The following ZNF292 variants were observed in gnomAD, a reference collection of about 807,000 sequenced individuals.
ZNF292 encodes 16 zinc-finger domain protein.
ZNF292 carries 26 observed loss-of-function variants against 217.9 expected under a neutral mutation model. That is an observed-to-expected ratio of 0.12 (90% CI 0.09 to 0.17). The LOEUF is 0.17. Ranked by LOEUF, ZNF292 falls within the 10% of genes least tolerant of loss-of-function variation. The pLI, the probability that ZNF292 is intolerant of heterozygous loss-of-function variation, is 1.00. For synonymous variants in ZNF292, 1,257 were observed against 1,124.1 expected (o/e 1.12, Z -2.37); for missense variants, 2,904 against 3,175.2 (o/e 0.91, Z 2.05).
At chr6:87,155,939 C>T (rs1311049794) in intron 1 of ZNF292, among the ~76,000 whole-genome samples, 180 bp downstream of exon 1, 3 of 152,200 alleles carry the variant, frequency 2.0e-5, no homozygotes, top group African/African-American at 4.8e-5. Context: ...CGGTTGTTGT[C>T]GTCTGCAGCT....
intron 1 of ZNF292, among the ~76,000 whole-genome samples, chr6:87,207,552 A>T (rs759573415): frequency 6.6e-6 from 1 of 152,208 alleles, no homozygotes; most frequent in East Asian, 1.9e-4. Context: ...AATGTGAAAC[A>T]TATTCTTTAT....
Position 87,255,463 on chromosome 6 carries a change from C to G in ZNF292, c.1834C>G (p.Pro612Ala). The G allele has an allele frequency of 6.2e-7, 1 of 1,613,490 alleles. No individual in the cohort carries two copies. Among genetic ancestry groups the G allele is most frequent in the Non-Finnish European group, 8.5e-7 (1 of 1,179,758 alleles). ...GAAACCATTAAGAAGATTGGGAAGG[C>G]CTCCAAAGATCACAACTACCAATGA... ...AMKPLRRLGR[P>A]PKITTTNENQ... Residue 612 changes from proline (P) to alanine (A), a missense_variant, in exon 8 of 8, where the codon CCT (proline) becomes GCT (alanine). By Grantham distance (27) the Pro-to-Ala change is conservative (BLOSUM62 -1). Coordinates refer to ENST00000369577, the MANE Select transcript of ZNF292 (RefSeq NM_015021.3).
At chr6:87,234,403 C>G (rs1469921139) in intron 5 of ZNF292, among the ~76,000 whole-genome samples, 1 of 151,844 alleles carries the variant, frequency 6.6e-6, no homozygotes, top group Non-Finnish European at 1.5e-5. Context: ...ACTAAAAATA[C>G]CAAAAATTAG....
chr6:87,172,496 CT>C (rs1443939007), intron 1 of ZNF292, among the ~76,000 whole-genome samples: 1 of 152,112 alleles, frequency 6.6e-6, no homozygotes, highest in East Asian at 1.9e-4. Context: ...ACCCTGGAGA[CT>C]AATTAAGCAT....
intron 1 of ZNF292, among the ~76,000 whole-genome samples, chr6:87,160,291 G>GA (rs1415691230): frequency 6.6e-6 from 1 of 152,178 alleles, no homozygotes; most frequent in African/African-American, 2.4e-5. Context: ...TAGTTCGTTG[G>GA]AAAAATTGGC....
intron 5 of ZNF292, among the ~76,000 whole-genome samples, chr6:87,239,159 A>G (rs563983380): frequency 1.2e-4 from 18 of 152,340 alleles, no homozygotes; most frequent in Admixed American, 7.8e-4. Context: ...CAAAACCGCC[A>G]TCGTCATCAT....
intron 3 of ZNF292, among the ~76,000 whole-genome samples, chr6:87,217,267 T>G (rs1772834726): frequency 6.6e-6 from 1 of 152,076 alleles, no homozygotes; most frequent in African/African-American, 2.4e-5. Context: ...TATTAAACAT[T>G]AAAATCTACA....
intron 1 of ZNF292, among the ~76,000 whole-genome samples, chr6:87,186,775 G>A (rs1486476924): frequency 6.6e-6 from 1 of 152,212 alleles, no homozygotes; most frequent in Non-Finnish European, 1.5e-5. Flanking sequence ...AGGTGATTCG[G>A]AGGAAGGATA....
intron 4 of ZNF292, 108 bp from the exon 5 acceptor site, chr6:87,233,216 GA>G: frequency 1.2e-6 from 1 of 802,116 alleles, no homozygotes; most frequent in Middle Eastern, 3.8e-4. Flanking sequence ...ATAGAAAATT[GA>G]AAAAAAGCAT....
Position 87,256,041 on chromosome 6 carries a change from T to C in ZNF292, c.2412T>C (p.Tyr804=). The C allele has an allele frequency of 1.2e-6, 2 of 1,609,242 alleles. No homozygotes were observed. Among genetic ancestry groups the C allele is most frequent in the Non-Finnish European group, 1.7e-6 (2 of 1,177,292 alleles). ...TATATGATCATGAAGCACAACATTA[T>C]AATACGTACACTTGTAAGTTCACAG... is the stretch of plus-strand genomic sequence containing the variant. ...YLLYDHEAQH[Y]NTYTCKFTGC... is the part of the protein sequence containing the mutation. The change falls in exon 8 of 8, where the codon TAT becomes TAC. Residue 804 remains tyrosine (Y), a synonymous_variant. Coordinates refer to ENST00000369577, the MANE Select transcript of ZNF292 (RefSeq NM_015021.3).
chr6:87,176,938 T>G (rs1373070329), intron 1 of ZNF292, among the ~76,000 whole-genome samples: 1 of 152,134 alleles, frequency 6.6e-6, no homozygotes, highest in Non-Finnish European at 1.5e-5. Context: ...CTCATCCAGT[T>G]TTCCCTCCAT....
chr6:87,255,645 C>G lies in ZNF292; in HGVS notation c.2016C>G (p.Val672=). Residue 672 remains valine (V), a synonymous_variant, in exon 8 of 8, where the codon GTC becomes GTG. Transcript: ENST00000369577. Reference sequence around the variant, plus strand: ...CCTATGAGCCAGAAGTGATTCCAGTCCAGAAACCAGTACCTGTTAATGAAT... The same window carrying G: ...CCTATGAGCCAGAAGTGATTCCAGTGCAGAAACCAGTACCTGTTAATGAAT... ...DKSYEPEVIP[V]QKPVPVNEFN... 1 of 1,612,906 alleles carries G rather than the reference C, an allele frequency of 6.2e-7. No homozygotes were observed. Among genetic ancestry groups the G allele is most frequent in the South Asian group, 1.1e-5 (1 of 90,906 alleles).
At position 87,262,316 on chromosome 6, in the gene ZNF292, A is replaced by T. The variant is rs754260543; in HGVS notation, c.*515A>T. 6.6e-6 allele frequency: 1 copy of T among 152,124 alleles called. No homozygotes were observed. Among genetic ancestry groups the T allele is most frequent in the South Asian group, 2.1e-4 (1 of 4,834 alleles). The allele number at this position is 152,124 out of a possible 1,614,324, so 9.4% of individuals were successfully genotyped here. The stretch of plus-strand genomic sequence containing the variant: ...TTAAATTAAGAACTTTTTGAACTAA[A>T]ACCAGAAACTCTGCCATAGTTCATT... On this transcript the variant is annotated 3_prime_UTR_variant, in exon 8 of 8. Coordinates refer to ENST00000369577, the MANE Select transcript of ZNF292 (RefSeq NM_015021.3).
At chr6:87,243,416 TG>T in intron 5 of ZNF292, 58 bp from the exon 6 acceptor site, 1 of 1,379,068 alleles carries the variant, frequency 7.3e-7, no homozygotes. Context: ...AAAGGTATAT[TG>T]CTCTATATTC....
At chr6:87,241,051 G>A (rs1179951336) in intron 5 of ZNF292, among the ~76,000 whole-genome samples, 11 of 152,154 alleles carry the variant, frequency 7.2e-5, no homozygotes, top group South Asian at 2.1e-4. Flanking sequence ...TTGGGAGGCC[G>A]AGGCAGGTGG....
intron 1 of ZNF292, among the ~76,000 whole-genome samples, chr6:87,181,573 G>C (rs4235830): frequency 6.6e-6 from 1 of 151,918 alleles, no homozygotes; most frequent in Non-Finnish European, 1.5e-5. Flanking sequence ...CTTCAGACTT[G>C]AGTGTGGGGC....
chr6:87,219,238 TG>T lies in ZNF292; in HGVS notation c.538+508del, dbSNP rs1281435930. Among the ~76,000 whole-genome samples the T allele has an allele frequency of 3.9e-5, 6 of 152,300 alleles. No homozygotes were observed. The East Asian group carries it at 9.6e-4, about 24-fold the overall frequency. On this transcript the variant is annotated intron_variant, in intron 4 of 7. Transcript: ENST00000369577. Reference sequence around the variant, plus strand: ...AAAGTAGATGGCTAAATTACTTATATGTATAACACTTAATGTTTTTTAGAGT... The same window carrying T: ...AAAGTAGATGGCTAAATTACTTATATTATAACACTTAATGTTTTTTAGAGT...
intron 1 of ZNF292, among the ~76,000 whole-genome samples, chr6:87,163,008 C>A (rs1370035068): frequency 6.6e-6 from 1 of 152,096 alleles, no homozygotes; most frequent in Non-Finnish European, 1.5e-5. Flanking sequence ...GGAGAGCCTC[C>A]TGATTCATTG....
At position 87,264,618 on chromosome 6, in the gene ZNF292, G is replaced by C. The variant is rs112266993; in HGVS notation, c.*2817G>C. On this transcript the variant is annotated 3_prime_UTR_variant, in exon 8 of 8. Transcript: ENST00000369577. ...GAATGAATGCTCATTGGTTCAGGGG[G>C]ACAAGGGAATTCCAGACTTGGGGGT... 2.6e-5 allele frequency among the ~76,000 whole-genome samples: 4 copies of C among 152,284 alleles called. No homozygotes were observed. Among genetic ancestry groups the C allele is most frequent in the African/African-American group, 9.6e-5 (4 of 41,574 alleles).
Sources: gnomAD v4.1 joint callset for allele counts (sites outside exome capture counted in the v4.1 genomes callset) on GRCh38, gnomAD v4.1.1 for gene constraint, MANE v1.5 for transcripts, NCBI Gene and HGNC (gene_info 2026-07-23, HGNC 2026-07-21) for gene names.